Variants in NBAS observed in about 807,000 individuals in gnomAD.
The protein encoded by NBAS is NAG/BC035112 fusion.
A neutral mutation model predicts 302.5 loss-of-function variants in NBAS; 219 were observed. That is an observed-to-expected ratio of 0.72 (90% CI 0.65 to 0.81). The LOEUF is 0.81. NBAS is among the 30% of genes least tolerant of loss of function. NBAS has a pLI of 0.00. For synonymous variants in NBAS, 1,118 were observed against 1,021.6 expected, an observed-to-expected ratio of 1.09 and a Z score of -1.80; for missense variants, 2,932 against 2,841.6, an observed-to-expected ratio of 1.03 and a Z score of -0.72.
chr2:15,251,340 G>A (rs1279298076), intron 44 of NBAS, among the ~76,000 whole-genome samples: 1 of 152,126 alleles, frequency 6.6e-6, no homozygotes, highest in Non-Finnish European at 1.5e-5. Context: ...ATAGCATTAG[G>A]GGAAATAGCT....
the NBAS span, among the ~76,000 whole-genome samples, chr2:15,160,602 G>GGGGGGGGGGGGGGGC: frequency 1.6e-5 from 2 of 122,496 alleles, no homozygotes; most frequent in African/African-American, 6.2e-5. Context: ...AGGGGGGGGG[G>GGGGGGGGGGGGGGGC]CAGGAGGCTG....
intron 38 of NBAS, among the ~76,000 whole-genome samples, chr2:15,312,946 A>C (rs1034117613): frequency 2.0e-5 from 3 of 152,138 alleles, no homozygotes; most frequent in Admixed American, 2.0e-4. Flanking sequence ...TAGCCCCCCA[A>C]TGCTGCTCTA....
At chr2:15,307,959 A>G (rs763918267) in intron 40 of NBAS, among the ~76,000 whole-genome samples, 2 of 152,224 alleles carry the variant, frequency 1.3e-5, no homozygotes, top group Admixed American at 6.5e-5. Flanking sequence ...CTAAGAACTT[A>G]GTAAAATTAA....
At chr2:14,953,266 A>G in the NBAS span, among the ~76,000 whole-genome samples, 1 of 152,196 alleles carries the variant, frequency 6.6e-6, no homozygotes, top group Admixed American at 6.5e-5. Context: ...GGTGAACTGT[A>G]TCAGGGAGGA....
chr2:15,045,762 C>T, the NBAS span, among the ~76,000 whole-genome samples: 379 of 152,248 alleles, frequency 2.5e-3, 3 homozygotes, highest in Non-Finnish European at 4.5e-3. Flanking sequence ...AGTAGTTCTA[C>T]GCCAAATTTT....
At chr2:15,493,806 T>C (rs181758533) in intron 11 of NBAS, among the ~76,000 whole-genome samples, 1 of 151,578 alleles carries the variant, frequency 6.6e-6, no homozygotes, top group East Asian at 1.9e-4. Context: ...AGCAATAAAA[T>C]TTATATGTAG....
chr2:15,363,671 A>G (rs1674051386), intron 32 of NBAS, among the ~76,000 whole-genome samples: 1 of 152,242 alleles, frequency 6.6e-6, no homozygotes, highest in South Asian at 2.1e-4. Flanking sequence ...AGGAACTGAG[A>G]TAAGTATTAA....
chr2:15,458,054 T>C (rs574255165), intron 21 of NBAS, among the ~76,000 whole-genome samples: 7 of 152,168 alleles, frequency 4.6e-5, no homozygotes, highest in Non-Finnish European at 1.0e-4. Flanking sequence ...ATTTTCAGTA[T>C]ACTCACTATA....
At chr2:15,033,724 G>A in the NBAS span, among the ~76,000 whole-genome samples, 1 of 152,090 alleles carries the variant, frequency 6.6e-6, no homozygotes, top group Non-Finnish European at 1.5e-5. Flanking sequence ...ACTTTGGGAG[G>A]TGGGAAGATT....
the NBAS span, among the ~76,000 whole-genome samples, chr2:14,893,834 C>T: frequency 2.0e-5 from 3 of 152,220 alleles, no homozygotes; most frequent in African/African-American, 7.2e-5. Context: ...ATGATTTACT[C>T]ACCTTGTCCC....
the NBAS span, among the ~76,000 whole-genome samples, chr2:14,881,846 G>T: frequency 4.6e-5 from 7 of 152,126 alleles, no homozygotes; most frequent in African/African-American, 1.7e-4. Flanking sequence ...GAAAAAGTTT[G>T]CCAACTCTTA....
the NBAS span, among the ~76,000 whole-genome samples, chr2:15,098,046 T>TC: frequency 0.015 from 3 of 204 alleles, no homozygotes; most frequent in African/African-American, 0.031. Flanking sequence ...ATATTGTATA[T>TC]AATATATTAT....
the NBAS span, among the ~76,000 whole-genome samples, chr2:14,881,262 A>G: frequency 6.6e-6 from 1 of 152,204 alleles, no homozygotes; most frequent in East Asian, 1.9e-4. Context: ...CAGAAACATA[A>G]AATCAAATAC....
At chr2:15,222,587 C>T (rs888401269) in intron 47 of NBAS, among the ~76,000 whole-genome samples, 3 of 152,188 alleles carry the variant, frequency 2.0e-5, no homozygotes, top group Admixed American at 6.5e-5. Flanking sequence ...TTCTTGTATA[C>T]TGTTATCATC....
intron 24 of NBAS, among the ~76,000 whole-genome samples, 190 bp downstream of exon 24, chr2:15,417,337 A>C (rs1382715298): frequency 6.6e-6 from 1 of 152,214 alleles, no homozygotes; most frequent in Non-Finnish European, 1.5e-5. Flanking sequence ...GCAAGGTATA[A>C]ACACAACCAA....
chr2:15,099,586 T>C, the NBAS span, among the ~76,000 whole-genome samples: 1 of 151,956 alleles, frequency 6.6e-6, no homozygotes, highest in Non-Finnish European at 1.5e-5. Flanking sequence ...CTTAAAAAAA[T>C]AAGACAGAAT....
chr2:14,819,778 A>G, the NBAS span, among the ~76,000 whole-genome samples: 657 of 152,360 alleles, frequency 4.3e-3, 6 homozygotes, highest in African/African-American at 0.015. Context: ...CAAGAAATTA[A>G]TAACTGAAAT....
At chr2:14,915,446 T>C in the NBAS span, among the ~76,000 whole-genome samples, 1 of 152,212 alleles carries the variant, frequency 6.6e-6, no homozygotes, top group Non-Finnish European at 1.5e-5. Context: ...TCTCATCTTG[T>C]AGCTCCCATA....
At chr2:15,444,722 A>G (rs1678630505) in intron 21 of NBAS, among the ~76,000 whole-genome samples, 1 of 151,016 alleles carries the variant, frequency 6.6e-6, no homozygotes, top group Admixed American at 6.6e-5. Context: ...CAGGCAACCT[A>G]CAAAATGGGA....
Sources: gnomAD v4.1 joint callset for allele counts (sites outside exome capture counted in the v4.1 genomes callset) on GRCh38, gnomAD v4.1.1 for gene constraint, MANE v1.5 for transcripts, NCBI Gene and HGNC (gene_info 2026-07-23, HGNC 2026-07-21) for gene names.